Variants in LSAMP observed in about 807,000 individuals in gnomAD.
The protein encoded by LSAMP is limbic system-associated membrane protein.
A neutral mutation model predicts 38.6 loss-of-function variants in LSAMP; 7 were observed. That is an observed-to-expected ratio of 0.18 (90% CI 0.10 to 0.34). LSAMP has a LOEUF of 0.34. Ranked by LOEUF, LSAMP falls within the 10% of genes least tolerant of loss-of-function variation. LSAMP has a pLI of 1.00. For synonymous variants in LSAMP, 154 were observed against 166.8 expected, an observed-to-expected ratio of 0.92 and a Z score of 0.59; for missense variants, 313 against 420.0, an observed-to-expected ratio of 0.75 and a Z score of 2.23.
chr3:116,255,394 A>G (rs1338616747), intron 1 of LSAMP, among the ~76,000 whole-genome samples: 1 of 152,218 alleles, frequency 6.6e-6, no homozygotes, highest in Non-Finnish European at 1.5e-5. Flanking sequence ...CTACAGCTTA[A>G]AAGTCTTTGG....
intron 1 of LSAMP, among the ~76,000 whole-genome samples, chr3:116,195,722 A>AG (rs1553712405): frequency 9.0e-5 from 9 of 99,892 alleles, no homozygotes; most frequent in Admixed American, 2.2e-4. Flanking sequence ...AAAAATGAAA[A>AG]AAAAAAAACA....
chr3:116,122,810 A>T (rs1427977763), intron 1 of LSAMP, among the ~76,000 whole-genome samples: 2 of 152,208 alleles, frequency 1.3e-5, no homozygotes, highest in African/African-American at 2.4e-5. Flanking sequence ...TTCCATCTTC[A>T]CTTTCACTCA....
At chr3:116,108,944 T>C (rs1407277082) in intron 1 of LSAMP, among the ~76,000 whole-genome samples, 1 of 152,304 alleles carries the variant, frequency 6.6e-6, no homozygotes, top group Middle Eastern at 3.4e-3. Context: ...GTTAATTAAG[T>C]CCTGTTGTGG....
intron 1 of LSAMP, among the ~76,000 whole-genome samples, chr3:116,112,213 G>A (rs1708631559): frequency 6.6e-6 from 1 of 152,070 alleles, no homozygotes; most frequent in South Asian, 2.1e-4. Flanking sequence ...ATTAGTACAG[G>A]GATTCTCCTT....
intron 1 of LSAMP, among the ~76,000 whole-genome samples, chr3:116,133,926 C>T (rs1709189829): frequency 6.6e-6 from 1 of 152,082 alleles, no homozygotes; most frequent in Non-Finnish European, 1.5e-5. Context: ...ACTTATGAGG[C>T]TACAAGGTGG....
At chr3:116,278,070 A>G (rs1042946044) in intron 1 of LSAMP, among the ~76,000 whole-genome samples, 70 of 152,194 alleles carry the variant, frequency 4.6e-4, no homozygotes, top group African/African-American at 1.6e-3. Context: ...GAAGTGTATT[A>G]AAGAGGGAAA....
At chr3:116,322,594 C>T (rs1039450831) in intron 1 of LSAMP, among the ~76,000 whole-genome samples, 3 of 152,066 alleles carry the variant, frequency 2.0e-5, no homozygotes, top group African/African-American at 7.2e-5. Flanking sequence ...ATTCAGGTCT[C>T]ACATATTTGG....
intron 4 of LSAMP, among the ~76,000 whole-genome samples, chr3:115,844,899 C>A (rs1454570950): frequency 6.6e-6 from 1 of 152,098 alleles, no homozygotes; most frequent in Non-Finnish European, 1.5e-5. Flanking sequence ...ATTGCCTGAA[C>A]CCAGGAGATG....
At chr3:115,929,398 T>G (rs2107536773) in intron 3 of LSAMP, among the ~76,000 whole-genome samples, 1 of 152,088 alleles carries the variant, frequency 6.6e-6, no homozygotes. Flanking sequence ...ACTACTTTGA[T>G]CCTCAATTCT....
chr3:116,425,663 G>A (rs2049185345), intron 1 of LSAMP, among the ~76,000 whole-genome samples: 3 of 152,002 alleles, frequency 2.0e-5, no homozygotes, highest in Admixed American at 2.0e-4. Context: ...TTAAAATCTG[G>A]TTGAAGATAC....
Position 116,082,066 on chromosome 3 carries a change from G to A in LSAMP, c.388+4258C>T, listed in dbSNP as rs60545267. Among the ~76,000 whole-genome samples, 607 of 152,168 alleles carry A rather than the reference G, an allele frequency of 4.0e-3. 6 individuals are homozygous for A. Among genetic ancestry groups the A allele is most frequent in the African/African-American group, 0.014 (577 of 41,530 alleles). ...TGGGATATTTAAAAATAAGATTCTC[G>A]TTTTAAAAATGTTGTCATGTGAGGA... is the stretch of plus-strand genomic sequence containing the variant. On this transcript the variant is annotated intron_variant, in intron 2 of 6. Transcript: ENST00000490035.
At chr3:116,154,876 A>G (rs963356775) in intron 1 of LSAMP, among the ~76,000 whole-genome samples, 2 of 152,176 alleles carry the variant, frequency 1.3e-5, no homozygotes, top group African/African-American at 4.8e-5. Flanking sequence ...TTATGCTTTA[A>G]AGATATTGAA....
intron 1 of LSAMP, among the ~76,000 whole-genome samples, chr3:116,186,676 C>T (rs116782187): frequency 0.028 from 4,307 of 152,182 alleles, 88 homozygotes; most frequent in Middle Eastern, 0.065. Flanking sequence ...AGACTGCAAT[C>T]CATTTCTCCA....
intron 1 of LSAMP, among the ~76,000 whole-genome samples, chr3:116,142,355 C>A (rs79641542): frequency 0.033 from 5,040 of 152,072 alleles, 216 homozygotes; most frequent in African/African-American, 0.1. Context: ...TTTATGTTCA[C>A]AAAATTAAAC....
intron 3 of LSAMP, among the ~76,000 whole-genome samples, chr3:115,855,668 TCTC>T (rs1935484798): frequency 6.6e-6 from 1 of 152,074 alleles, no homozygotes; most frequent in African/African-American, 2.4e-5. Context: ...ATCCAACAAT[TCTC>T]CTGCTCCTTT....
At chr3:116,245,597 G>T (rs767667356) in intron 1 of LSAMP, among the ~76,000 whole-genome samples, 1 of 152,048 alleles carries the variant, frequency 6.6e-6, no homozygotes, top group African/African-American at 2.4e-5. Context: ...GAATTTTCAT[G>T]ACCCTGCATC....
intron 3 of LSAMP, among the ~76,000 whole-genome samples, chr3:115,928,564 CT>C (rs1937526355): frequency 6.6e-6 from 1 of 152,182 alleles, no homozygotes; most frequent in South Asian, 2.1e-4. Context: ...TGAGAACTTC[CT>C]TTAAAATGTT....
intron 3 of LSAMP, among the ~76,000 whole-genome samples, chr3:116,006,225 C>G (rs6794899): frequency 0.038 from 5,792 of 152,104 alleles, 283 homozygotes; most frequent in African/African-American, 0.12. Flanking sequence ...GGGACTAGTG[C>G]TCTTTTAAGA....
At chr3:115,921,170 G>A (rs1360454723) in intron 3 of LSAMP, among the ~76,000 whole-genome samples, 1 of 151,942 alleles carries the variant, frequency 6.6e-6, no homozygotes, top group Non-Finnish European at 1.5e-5. Flanking sequence ...TATATTTTTT[G>A]AGTGGTGAAT....
Sources: gnomAD v4.1 joint callset for allele counts (sites outside exome capture counted in the v4.1 genomes callset) on GRCh38, gnomAD v4.1.1 for gene constraint, MANE v1.5 for transcripts, NCBI Gene and HGNC (gene_info 2026-07-23, HGNC 2026-07-21) for gene names.